MGA: variants seen among roughly 807,000 people sequenced by gnomAD.
The protein encoded by MGA is MAX dimerization protein MGA.
MGA carries 40 observed loss-of-function variants against 261.1 expected under a neutral mutation model. The ratio of observed to expected loss-of-function variants is 0.15; its 90% confidence interval spans 0.12 to 0.20. MGA has a LOEUF of 0.20. Among genes scored for constraint, MGA ranks in the 10% least tolerant of loss-of-function variants. MGA has a pLI of 1.00. For missense variants in MGA, 3,397 were observed against 3,630.5 expected, an observed-to-expected ratio of 0.94 and a Z score of 1.65; for synonymous variants, 1,302 against 1,290.6, an observed-to-expected ratio of 1.01 and a Z score of -0.19.
intron 1 of MGA, among the ~76,000 whole-genome samples, chr15:41,641,322 T>C (rs965207714): frequency 1.3e-5 from 2 of 152,170 alleles, no homozygotes; most frequent in Non-Finnish European, 2.9e-5. Flanking sequence ...TATAAACTTA[T>C]GTTTTTATTT....
chr15:41,627,142 A>T (rs1440676905), intron 1 of MGA, among the ~76,000 whole-genome samples: 1 of 152,142 alleles, frequency 6.6e-6, no homozygotes, highest in East Asian at 1.9e-4. Flanking sequence ...AGCTCAAGTG[A>T]TCTGCTCTCC....
At chr15:41,682,398 C>A (rs2058732022) in intron 2 of MGA, among the ~76,000 whole-genome samples, 1 of 152,182 alleles carries the variant, frequency 6.6e-6, no homozygotes, top group South Asian at 2.1e-4. Flanking sequence ...CTCTAGGCCC[C>A]TACCAAGCTG....
At chr15:41,760,566 T>G in intron 20 of MGA, 37 bp downstream of exon 20, 1 of 1,584,910 alleles carries the variant, frequency 6.3e-7, no homozygotes, top group Non-Finnish European at 8.7e-7. Flanking sequence ...AGAGCTTGAC[T>G]AAGAGATTCT....
intron 1 of MGA, among the ~76,000 whole-genome samples, chr15:41,661,814 G>A (rs1261514323): frequency 1.3e-5 from 2 of 152,162 alleles, no homozygotes; most frequent in South Asian, 2.1e-4. Context: ...ACGGCTGCTG[G>A]GAAGGGGGTT....
rs377676024 is a variant in MGA at position 41,706,114 on chromosome 15, G to A, written c.2189-1614G>A. Among the ~76,000 whole-genome samples, 24 of 152,076 alleles carry A rather than the reference G, an allele frequency of 1.6e-4. No homozygotes were observed. The East Asian group carries it at 4.5e-3, about 28-fold the overall frequency. ...TAGCCGGGCCTGGTGGCACACGCCT[G>A]TAATCCCAGCTACTTGGGAGGCTGA... On this transcript the variant is annotated intron_variant, in intron 5 of 23. Coordinates refer to ENST00000219905, the MANE Select transcript of MGA (RefSeq NM_001164273.2).
At chr15:41,626,365 G>A (rs950104249) in intron 1 of MGA, among the ~76,000 whole-genome samples, 1 of 145,244 alleles carries the variant, frequency 6.9e-6, no homozygotes, top group African/African-American at 2.6e-5. Flanking sequence ...GGATCTTCTT[G>A]TCTTAGCCTC....
chr15:41,624,651 G>A (rs1044182394), intron 1 of MGA, among the ~76,000 whole-genome samples: 14 of 152,120 alleles, frequency 9.2e-5, no homozygotes, highest in Non-Finnish European at 1.9e-4. Context: ...TGTATTTTTA[G>A]TAGAGACGGG....
intron 2 of MGA, among the ~76,000 whole-genome samples, chr15:41,670,440 G>A (rs1335322340): frequency 6.6e-6 from 1 of 152,184 alleles, no homozygotes; most frequent in Non-Finnish European, 1.5e-5. Context: ...GGTAGAGAGA[G>A]ACTGAAAGAT....
At chr15:41,765,892 G>GT in intron 23 of MGA, 112 bp from the exon 24 acceptor site, 3 of 827,848 alleles carry the variant, frequency 3.6e-6, no homozygotes, top group Non-Finnish European at 3.7e-6. Flanking sequence ...AAAGTAGAGT[G>GT]CTGAATTTAG....
At chr15:41,743,992 C>G (rs2062274853) in intron 15 of MGA, among the ~76,000 whole-genome samples, 1 of 152,060 alleles carries the variant, frequency 6.6e-6, no homozygotes, top group Admixed American at 6.5e-5. Context: ...TGGAAAAGAG[C>G]AAGAGACTTT....
At position 41,708,099 on chromosome 15, in the gene MGA, T is replaced by C; in HGVS notation, c.2321-5T>C. On this transcript the variant is annotated splice_polypyrimidine_tract_variant and splice_region_variant and intron_variant, in intron 6 of 23. Transcript: ENST00000219905. Reference sequence around the variant, plus strand: ...TGGTCATCTGTTTGACTTTTTCTTTTATAGATGCGGGATTTCCCTTTGTTT... The same window carrying C: ...TGGTCATCTGTTTGACTTTTTCTTTCATAGATGCGGGATTTCCCTTTGTTT... 6.4e-7 allele frequency: 1 copy of C among 1,563,332 alleles called. No homozygotes were observed. The highest frequency in any genetic ancestry group is 8.7e-7 in the Non-Finnish European group (1 of 1,155,662).
At chr15:41,735,200 A>C (rs1055418008) in intron 12 of MGA, among the ~76,000 whole-genome samples, 1 of 152,216 alleles carries the variant, frequency 6.6e-6, no homozygotes. Context: ...AACCTGCCTG[A>C]GAGCGTGAGC....
chr15:41,740,853 A>G (rs984556010), intron 14 of MGA, among the ~76,000 whole-genome samples: 35 of 152,332 alleles, frequency 2.3e-4, no homozygotes, highest in African/African-American at 8.2e-4. Flanking sequence ...TCTTTTCCTT[A>G]ACATTTAAAT....
intron 18 of MGA, among the ~76,000 whole-genome samples, chr15:41,755,249 C>T (rs2151954712): frequency 6.6e-6 from 1 of 152,282 alleles, no homozygotes; most frequent in East Asian, 1.9e-4. Flanking sequence ...ATCTCATTAA[C>T]TACGATGATA....
At chr15:41,690,103 C>T (rs1188910959) in intron 2 of MGA, among the ~76,000 whole-genome samples, 1 of 152,168 alleles carries the variant, frequency 6.6e-6, no homozygotes, top group Non-Finnish European at 1.5e-5. Flanking sequence ...CTCAACCACT[C>T]CCCAGCTCCA....
At chr15:41,625,327 C>T (rs933451195) in intron 1 of MGA, among the ~76,000 whole-genome samples, 2 of 151,940 alleles carry the variant, frequency 1.3e-5, no homozygotes, top group African/African-American at 4.8e-5. Context: ...TTACTATGTG[C>T]CAGCCAATTT....
Position 41,766,565 on chromosome 15 carries a change from A to G in MGA, c.8483A>G (p.Asn2828Ser), listed in dbSNP as rs202090701. 2.1e-4 allele frequency: 332 copies of G among 1,613,860 alleles called. No homozygotes were observed. Among genetic ancestry groups the G allele is most frequent in the South Asian group, 3.0e-4 (27 of 91,086 alleles). ...GATGAGACACTGACTTCACTGCTCA[A>G]TGAAATTGCCTTTCTTAATCAACAA... Residue 2828 changes from asparagine (N) to serine (S), a missense_variant, in exon 24 of 24, where the codon AAT becomes AGT. Asn to Ser is a conservative substitution (Grantham distance 46, BLOSUM62 1). Around this residue, in one of 9 missense-constraint regions of MGA, gnomAD observed 647 missense variants for 642.4 expected, o/e 1.01. Transcript: ENST00000219905.
chr15:41,703,930 C>T (rs2059982074), intron 5 of MGA, among the ~76,000 whole-genome samples: 1 of 152,080 alleles, frequency 6.6e-6, no homozygotes, highest in African/African-American at 2.4e-5. Context: ...ATGTCAGCCC[C>T]CCAAGTAGCT....
intron 1 of MGA, among the ~76,000 whole-genome samples, chr15:41,653,358 G>T (rs991642541): frequency 7.4e-5 from 11 of 149,256 alleles, no homozygotes; most frequent in Non-Finnish European, 1.2e-4. Context: ...GACAGACCGA[G>T]ACTCCATCTC....
Sources: gnomAD v4.1 joint callset for allele counts (sites outside exome capture counted in the v4.1 genomes callset) on GRCh38, gnomAD v4.1.1 for gene constraint, gnomAD v4.1.1 regional missense constraint, MANE v1.5 for transcripts, NCBI Gene and HGNC (gene_info 2026-07-23, HGNC 2026-07-21) for gene names.